Variants in URGCP observed in about 807,000 individuals in gnomAD.
The protein encoded by URGCP is up-regulator of cell proliferation.
In URGCP, 13 loss-of-function variants were observed where a neutral mutation model predicts 24.6. That is an observed-to-expected ratio of 0.53 (90% CI 0.34 to 0.84). The LOEUF is 0.84. Among genes scored for constraint, URGCP ranks in the 40% least tolerant of loss-of-function variants. The probability of loss-of-function intolerance (pLI) is 0.01; values close to 1 mark genes in which losing one functional copy is unlikely to be tolerated. For missense variants in URGCP, 899 were observed against 1,194.3 expected, an observed-to-expected ratio of 0.75 and a Z score of 3.64; for synonymous variants, 444 against 487.2, an observed-to-expected ratio of 0.91 and a Z score of 1.17.
At chr7:43,891,457 C>T (rs1242880961) in intron 1 of URGCP, among the ~76,000 whole-genome samples, 1 of 152,196 alleles carries the variant, frequency 6.6e-6, no homozygotes, top group Non-Finnish European at 1.5e-5. Flanking sequence ...GTCTGCCTTT[C>T]TTCATGGTCC....
intron 1 of URGCP, among the ~76,000 whole-genome samples, chr7:43,925,902 C>G (rs1483088192): frequency 1.3e-5 from 2 of 150,024 alleles, no homozygotes; most frequent in Non-Finnish European, 3.0e-5. Context: ...GACCTAGACG[C>G]CTGCCAAGTC....
At position 43,876,978 on chromosome 7, in the gene URGCP, C is replaced by G. The variant is rs779323656; in HGVS notation, c.2485G>C (p.Gly829Arg). 1 of 1,614,140 alleles carries G rather than the reference C, an allele frequency of 6.2e-7. No homozygotes were observed. The highest frequency in any genetic ancestry group is 1.3e-5 in the African/African-American group (1 of 75,042). ...TGTCTCTTGTCTCTGGGCCTAGGGC[C>G]GGGAACAGATACATCATGAAGGTTC... ...YQNLHDVSVP[G>R]PRPRDKRQLL... Residue 829 changes from glycine to arginine, a missense_variant, in exon 6 of 6, where the codon GGC (glycine) becomes CGC (arginine). By Grantham distance (125) the Gly-to-Arg change is moderately radical. Coordinates refer to ENST00000453200, the MANE Select transcript of URGCP (RefSeq NM_001077663.3).
intron 1 of URGCP, among the ~76,000 whole-genome samples, chr7:43,898,031 C>T (rs989287725): frequency 1.3e-5 from 2 of 152,140 alleles, no homozygotes; most frequent in Non-Finnish European, 2.9e-5. Context: ...ATATGCTAAG[C>T]CAGCACGTGA....
At chr7:43,887,906 G>T in intron 1 of URGCP, 90 bp from the exon 2 acceptor site, 1 of 808,070 alleles carries the variant, frequency 1.2e-6, no homozygotes, top group Non-Finnish European at 2.0e-6. Flanking sequence ...AAATCAAAGT[G>T]CAATAACGGA....
At chr7:43,915,579 A>T (rs1483038872) in intron 1 of URGCP, among the ~76,000 whole-genome samples, 1 of 152,196 alleles carries the variant, frequency 6.6e-6, no homozygotes, top group Non-Finnish European at 1.5e-5. Flanking sequence ...TGCCCCTCCC[A>T]GCTGGGGCTG....
intron 1 of URGCP, 125 bp from the exon 2 acceptor site, chr7:43,887,941 T>C: frequency 1.6e-6 from 1 of 613,498 alleles, no homozygotes; most frequent in Non-Finnish European, 2.8e-6. Flanking sequence ...CTGCAGCCAT[T>C]AAAAAATACG....
At chr7:43,912,998 G>A (rs1387965716) in intron 1 of URGCP, among the ~76,000 whole-genome samples, 2 of 151,294 alleles carry the variant, frequency 1.3e-5, no homozygotes, top group Non-Finnish European at 2.9e-5. Flanking sequence ...TTACAGCCAT[G>A]CGCCACCATG....
chr7:43,896,452 C>A (rs2730620), intron 1 of URGCP, among the ~76,000 whole-genome samples: 50,120 of 132,068 alleles, frequency 0.38, 8,899 homozygotes, highest in South Asian at 0.61. Context: ...GAGACTCTGT[C>A]TCAAAAAAAA....
rs770339588 is a variant in URGCP, at chr7:43,887,492, C to T, written c.42-7G>A. 1.2e-6 allele frequency: 2 copies of T among 1,613,428 alleles called. No homozygotes were observed. The highest frequency in any genetic ancestry group is 2.2e-5 in the South Asian group (2 of 90,922). ...TTCTCCCAAATCTGAATGCCTGAAA[C>T]AATTTCAGAAGAAAATTATAATTAA... is the stretch of plus-strand genomic sequence containing the variant. On this transcript the variant is annotated splice_region_variant and splice_polypyrimidine_tract_variant and intron_variant, in intron 2 of 5. Coordinates refer to ENST00000453200, the MANE Select transcript of URGCP (RefSeq NM_001077663.3).
In URGCP at chr7:43,879,084, C is replaced by T. The variant is rs369639108; in HGVS notation, c.379G>A (p.Ala127Thr). 6.2e-7 allele frequency: 1 copy of T among 1,614,212 alleles called. No individual in the cohort carries two copies. Among genetic ancestry groups the T allele is most frequent in the Non-Finnish European group, 8.5e-7 (1 of 1,180,038 alleles). Residue 127 changes from alanine to threonine, a missense_variant, in exon 6 of 6, where the codon GCT (alanine) becomes ACT (threonine). By Grantham distance (58) the Ala-to-Thr change is moderately conservative (BLOSUM62 0). Transcript: ENST00000453200. The stretch of plus-strand genomic sequence containing the variant: ...ACCATAGTGGTATTCCTGGCATCAG[C>T]ATTGAGGGCCTGCAACTTCCTGAGG... ...NFLRKLQALN[A>T]DARNTTMVLD...
chr7:43,916,753 C>T (rs1227850850), intron 1 of URGCP, among the ~76,000 whole-genome samples: 1 of 121,572 alleles, frequency 8.2e-6, no homozygotes, highest in Non-Finnish European at 1.6e-5. Flanking sequence ...CACTTTGACA[C>T]CCATGGGAGG....
rs28461223 is a variant in URGCP, at chr7:43,876,600, C to T, written c.*67G>A. 0.072 allele frequency: 110,591 copies of T among 1,533,730 alleles called. 4,726 individuals carry two copies. Among genetic ancestry groups the T allele is most frequent in the East Asian group, 0.18 (7,878 of 44,466 alleles). On this transcript the variant is annotated 3_prime_UTR_variant, in exon 6 of 6. Coordinates refer to ENST00000453200, the MANE Select transcript of URGCP (RefSeq NM_001077663.3). Reference sequence around the variant, plus strand: ...TCAGGCACCAGAGCACAGCCCCACACGGGTGCCCCATCAGACAGGGCTGCC... The same window carrying T: ...TCAGGCACCAGAGCACAGCCCCACATGGGTGCCCCATCAGACAGGGCTGCC...
chr7:43,899,461 T>G (rs2132698734), intron 1 of URGCP, among the ~76,000 whole-genome samples: 1 of 151,830 alleles, frequency 6.6e-6, no homozygotes, highest in East Asian at 1.9e-4. Context: ...AATTAACCTA[T>G]AAGTAAATTG....
Position 43,877,579 on chromosome 7 carries a change from G to C in URGCP, c.1884C>G (p.Ser628Arg). The change falls in exon 6 of 6, where the codon AGC becomes AGG. Residue 628 changes from serine to arginine, a missense_variant. Physicochemically the swap from Ser to Arg is moderately radical, Grantham distance 110. Coordinates refer to ENST00000453200, the MANE Select transcript of URGCP (RefSeq NM_001077663.3). ...GCAGCCTCCCTGCCTCCACAAGACA[G>C]CTCTCAGCCTCATAAAACTGTCCCA... ...REMGQFYEAE[S>R]CLVEAGRLPA... The C allele has an allele frequency of 6.2e-7, 1 of 1,614,100 alleles. No individual in the cohort carries two copies. Among genetic ancestry groups the C allele is most frequent in the Non-Finnish European group, 8.5e-7 (1 of 1,180,028 alleles).
intron 1 of URGCP, chr7:43,919,690 C>T (rs2095919908): frequency 3.6e-6 from 5 of 1,377,926 alleles, no homozygotes; most frequent in Non-Finnish European, 2.1e-6. Context: ...GTGGACCCCA[C>T]CCAGGTCCAC....
intron 1 of URGCP, among the ~76,000 whole-genome samples, chr7:43,890,375 C>T (rs1209893695): frequency 6.6e-6 from 1 of 151,496 alleles, no homozygotes; most frequent in Non-Finnish European, 1.5e-5. Context: ...CGACCACGCC[C>T]GGCTAATTTT....
Position 43,878,801 on chromosome 7 carries a change from T to C in URGCP, c.662A>G (p.Glu221Gly), listed in dbSNP as rs2095849588. ...CAGCAGAAATGTATGGTAGTGGTTC[T>C]CCGAGTCAGGCAACACGAGTGGGAG... Reference protein sequence around the residue: ...FALPLVLPDSENHYHTFLLWA... With the variant: ...FALPLVLPDSGNHYHTFLLWA... Residue 221 changes from glutamate (E) to glycine (G), a missense_variant, in exon 6 of 6, where the codon GAG becomes GGG. Physicochemically the swap from Glu to Gly is moderately conservative, Grantham distance 98. Transcript: ENST00000453200. The surrounding 1 kb of genome is among the most constrained non-coding windows in gnomAD (Gnocchi z 5.6). The C allele has an allele frequency of 2.5e-6, 4 of 1,614,054 alleles. No individual in the cohort carries two copies. Among genetic ancestry groups the C allele is most frequent in the Non-Finnish European group, 3.4e-6 (4 of 1,179,950 alleles).
intron 1 of URGCP, among the ~76,000 whole-genome samples, chr7:43,894,881 A>G (rs2095876078): frequency 6.6e-6 from 1 of 152,106 alleles, no homozygotes; most frequent in Non-Finnish European, 1.5e-5. Context: ...AATTGGAAAA[A>G]TCAGCCAACC....
rs188997675 is a variant in URGCP, at chr7:43,925,092, G to C, written c.-116+1040C>G. Among the ~76,000 whole-genome samples the C allele has an allele frequency of 2.6e-5, 4 of 152,304 alleles. 1 individual carries two copies. Among genetic ancestry groups the C allele is most frequent in the African/African-American group, 9.6e-5 (4 of 41,572 alleles). On this transcript the variant is annotated intron_variant, in intron 1 of 5. Coordinates refer to the URGCP transcript ENST00000426198. ...GGATTTTGAAGGCCCCTGGATGACA[G>C]TGAATGTGATGCTGTAGGCCACGGG... is the stretch of plus-strand genomic sequence containing the variant.
Sources: allele counts gnomAD v4.1 joint callset (sites outside exome capture counted in the v4.1 genomes callset), GRCh38; gene constraint gnomAD v4.1.1; non-coding constraint Gnocchi (gnomAD v3.1); transcripts MANE v1.5; gene names NCBI Gene and HGNC (gene_info 2026-07-23, HGNC 2026-07-21).